The following OSBPL6 variants were observed in gnomAD, a reference collection of about 807,000 sequenced individuals.
The protein encoded by OSBPL6 is oxysterol binding protein like 6.
Under a neutral mutation model 125.8 loss-of-function variants are expected in OSBPL6, and 49 were observed. That is an observed-to-expected ratio of 0.39 (90% CI 0.31 to 0.49). The LOEUF (loss-of-function observed/expected upper bound fraction) is 0.49. OSBPL6 is among the 20% of genes least tolerant of loss of function. The pLI is 0.88. For missense variants in OSBPL6, 986 were observed against 1,135.4 expected (o/e 0.87, Z 1.89); for synonymous variants, 394 against 391.8 (o/e 1.01, Z -0.07).
chr2:178,276,616 A>G (rs1182483731), intron 1 of OSBPL6, among the ~76,000 whole-genome samples: 2 of 151,920 alleles, frequency 1.3e-5, no homozygotes, highest in African/African-American at 2.4e-5. Context: ...CAAGTGATCC[A>G]TCCACGTCGG....
intron 3 of OSBPL6, among the ~76,000 whole-genome samples, chr2:178,314,671 A>G (rs1233562238): frequency 1.3e-5 from 2 of 152,178 alleles, no homozygotes; most frequent in African/African-American, 4.8e-5. Flanking sequence ...GAACAAACCA[A>G]TAGAATAACA....
intron 1 of OSBPL6, among the ~76,000 whole-genome samples, chr2:178,206,906 C>T (rs1375985975): frequency 6.6e-6 from 1 of 152,000 alleles, no homozygotes; most frequent in Non-Finnish European, 1.5e-5. Flanking sequence ...TGAGCCACCA[C>T]ACCCAGCCTG....
intron 1 of OSBPL6, among the ~76,000 whole-genome samples, chr2:178,265,818 C>G (rs1399414398): frequency 6.6e-6 from 1 of 152,148 alleles, no homozygotes; most frequent in African/African-American, 2.4e-5. Flanking sequence ...GTTTCCCTCC[C>G]CACTTTGTTC....
At chr2:178,289,475 C>T (rs1372286384) in intron 2 of OSBPL6, among the ~76,000 whole-genome samples, 1 of 152,216 alleles carries the variant, frequency 6.6e-6, no homozygotes, top group Non-Finnish European at 1.5e-5. Flanking sequence ...GACATCATGT[C>T]ATATCCACCC....
chr2:178,378,731 A>G (rs918675480), intron 15 of OSBPL6, among the ~76,000 whole-genome samples: 2 of 152,236 alleles, frequency 1.3e-5, no homozygotes, highest in African/African-American at 4.8e-5. Flanking sequence ...TGAATTGACC[A>G]CAGCAAGATA....
rs1044108881 is a variant in OSBPL6, at chr2:178,328,512, GAT to G, written c.318+135_318+136del. ...CTTTTTAAAACTTTTTTTTGAGACA[GAT>G]TCTCACTCTGTTACCCAAGCTGGAG... is the stretch of plus-strand genomic sequence containing the variant. On this transcript the variant is annotated intron_variant, in intron 5 of 24. Coordinates refer to ENST00000190611, the MANE Select transcript of OSBPL6 (RefSeq NM_032523.4). The G allele has an allele frequency of 4.7e-6, 5 of 1,056,228 alleles. No individual in the cohort carries two copies. The African/African-American group carries it at 6.5e-5, about 14-fold the overall frequency. 65.4% of individuals were successfully genotyped at this position (1,056,228 alleles called of 1,614,324 possible). A position where few individuals can be genotyped will look rare whatever the true frequency, so the allele number is the denominator to read the frequency against.
intron 13 of OSBPL6, among the ~76,000 whole-genome samples, chr2:178,370,648 T>C (rs1325872221): frequency 6.6e-6 from 1 of 152,234 alleles, no homozygotes; most frequent in African/African-American, 2.4e-5. Flanking sequence ...ATCACCTTTT[T>C]TCCCATAAAA....
chr2:178,249,930 T>A (rs1319885179), intron 1 of OSBPL6, among the ~76,000 whole-genome samples: 3 of 150,600 alleles, frequency 2.0e-5, no homozygotes, highest in Non-Finnish European at 4.4e-5. Flanking sequence ...ACAAGTTACC[T>A]AATTGCCTAC....
At position 178,228,273 on chromosome 2, in the gene OSBPL6, T is replaced by C. The variant is rs151003925; in HGVS notation, c.-351+33599T>C. Among the ~76,000 whole-genome samples the C allele has an allele frequency of 4.7e-3, 720 of 152,288 alleles. 10 individuals carry two copies. In the East Asian group the frequency reaches 0.051, roughly 11 times the overall value. On this transcript the variant is annotated intron_variant, in intron 1 of 24. Coordinates refer to ENST00000190611, the MANE Select transcript of OSBPL6 (RefSeq NM_032523.4). ...AGACACGGCCGGGCGCGGTGGCTCA[T>C]GCCTGTAATCCCAGCACTTTGGGAG... is the stretch of plus-strand genomic sequence containing the variant.
intron 20 of OSBPL6, 45 bp from the exon 21 acceptor site, chr2:178,388,963 GT>G (rs1476994804): frequency 1.3e-6 from 2 of 1,598,296 alleles, no homozygotes; most frequent in East Asian, 4.5e-5. Flanking sequence ...AGTTATATGT[GT>G]TTGTGACCTT....
chr2:178,205,023 G>A (rs1223115465), intron 1 of OSBPL6, among the ~76,000 whole-genome samples: 2 of 152,014 alleles, frequency 1.3e-5, no homozygotes, highest in Admixed American at 1.3e-4. Flanking sequence ...CCCACCGTGA[G>A]CCCCAGCCTT....
At chr2:178,298,003 A>G (rs1465966527) in intron 2 of OSBPL6, among the ~76,000 whole-genome samples, 3 of 152,156 alleles carry the variant, frequency 2.0e-5, no homozygotes, top group Non-Finnish European at 4.4e-5. Context: ...TAACCACTAA[A>G]CACAACTCTT....
chr2:178,354,023 G>T (rs1018877584), intron 12 of OSBPL6, among the ~76,000 whole-genome samples: 2 of 152,174 alleles, frequency 1.3e-5, no homozygotes, highest in Non-Finnish European at 2.9e-5. Flanking sequence ...ATCCTTTACA[G>T]ACAAGCAAAT....
Position 178,336,423 on chromosome 2 carries a change from G to A in OSBPL6, c.780G>A (p.Arg260=). 1 of 1,613,972 alleles carries A rather than the reference G, an allele frequency of 6.2e-7. No individual in the cohort carries two copies. The change falls in exon 9 of 25, where the codon AGG becomes AGA. Residue 260 remains arginine, a synonymous_variant. Coordinates refer to ENST00000190611, the MANE Select transcript of OSBPL6 (RefSeq NM_032523.4). ...AWLQDSEEMD[R]CAEDLAHCQS... is the part of the protein sequence containing the mutation. ...TACAGGACTCGGAAGAGATGGACAG[G>A]TGTGCAGAAGGTTAGTTCTTGCCCA...
chr2:178,332,310 C>A (rs1379769685), intron 6 of OSBPL6, among the ~76,000 whole-genome samples: 1 of 152,194 alleles, frequency 6.6e-6, no homozygotes, highest in Non-Finnish European at 1.5e-5. Context: ...CAAAGATTGA[C>A]CGCAGTTATT....
intron 1 of OSBPL6, among the ~76,000 whole-genome samples, chr2:178,265,865 A>C (rs1296831137): frequency 6.6e-6 from 1 of 152,114 alleles, no homozygotes; most frequent in Non-Finnish European, 1.5e-5. Context: ...GCTTTGAGAA[A>C]CTTGCAGACT....
chr2:178,372,267 A>G (rs1482942826), intron 14 of OSBPL6, 34 bp downstream of exon 14: 2 of 1,440,634 alleles, frequency 1.4e-6, no homozygotes, highest in Non-Finnish European at 1.9e-6. Flanking sequence ...CAGAGTACCT[A>G]TTTTTTAGCA....
intron 1 of OSBPL6, among the ~76,000 whole-genome samples, chr2:178,223,592 T>A (rs2090431993): frequency 6.6e-6 from 1 of 152,238 alleles, no homozygotes; most frequent in Admixed American, 6.5e-5. Flanking sequence ...CCCTTCAGTT[T>A]ATTCTTTGCC....
intron 12 of OSBPL6, among the ~76,000 whole-genome samples, chr2:178,351,345 C>G (rs566156963): frequency 1.3e-5 from 2 of 151,494 alleles, no homozygotes; most frequent in African/African-American, 4.8e-5. Flanking sequence ...GTAGAAAACC[C>G]AAAAGATGCC....
Sources: allele counts gnomAD v4.1 joint callset (sites outside exome capture counted in the v4.1 genomes callset), GRCh38; gene constraint gnomAD v4.1.1; transcripts MANE v1.5; gene names NCBI Gene and HGNC (gene_info 2026-07-23, HGNC 2026-07-21).